The following VPS13B variants were observed in gnomAD, a reference collection of about 807,000 sequenced individuals.
The protein encoded by VPS13B is intermembrane lipid transfer protein VPS13B.
Under a neutral mutation model 426.4 loss-of-function variants are expected in VPS13B, and 285 were observed. The ratio of observed to expected loss-of-function variants is 0.67; its 90% CI spans 0.61 to 0.74. The LOEUF (loss-of-function observed/expected upper bound fraction) is 0.74, where lower values mean the gene tolerates loss of function less well. VPS13B is among the 30% of genes least tolerant of loss of function. VPS13B has a pLI of 0.00. For missense variants in VPS13B, 4,537 were observed against 4,782.6 expected (o/e 0.95, Z 1.51); for synonymous variants, 1,676 against 1,676.4 (o/e 1.00, Z 0.01).
intron 54 of VPS13B, among the ~76,000 whole-genome samples, chr8:99,844,421 G>A (rs1022903349): frequency 3.4e-5 from 5 of 148,988 alleles, no homozygotes; most frequent in Admixed American, 3.4e-4. Flanking sequence ...TGGATGGAGT[G>A]CAGTGGCCCG....
At chr8:99,321,372 C>G (rs1809978565) in intron 19 of VPS13B, among the ~76,000 whole-genome samples, 1 of 151,894 alleles carries the variant, frequency 6.6e-6, no homozygotes. Context: ...CCACGCCCAG[C>G]TAATTTTTGT....
At chr8:99,616,199 C>T (rs1210503704) in intron 33 of VPS13B, among the ~76,000 whole-genome samples, 1 of 152,026 alleles carries the variant, frequency 6.6e-6, no homozygotes, top group Non-Finnish European at 1.5e-5. Flanking sequence ...GAAGAAGAGC[C>T]TATATCTTGA....
chr8:99,202,534 C>T (rs543943007), intron 17 of VPS13B, among the ~76,000 whole-genome samples: 2 of 152,260 alleles, frequency 1.3e-5, no homozygotes, highest in South Asian at 4.1e-4. Flanking sequence ...ATAACAATTT[C>T]TGAAATTAAG....
At chr8:99,162,543 T>G (rs1404480376) in intron 15 of VPS13B, among the ~76,000 whole-genome samples, 3 of 152,050 alleles carry the variant, frequency 2.0e-5, no homozygotes, top group African/African-American at 7.3e-5. Context: ...CAGATGTATT[T>G]GGAGTTTCTT....
At chr8:99,064,413 A>G (rs1844362771) in intron 3 of VPS13B, among the ~76,000 whole-genome samples, 1 of 152,218 alleles carries the variant, frequency 6.6e-6, no homozygotes, top group South Asian at 2.1e-4. Flanking sequence ...AAGACCTTAA[A>G]TGACCTGATG....
chr8:99,632,587 T>C (rs918914525), intron 33 of VPS13B, among the ~76,000 whole-genome samples: 2 of 151,954 alleles, frequency 1.3e-5, no homozygotes, highest in African/African-American at 4.8e-5. Context: ...TCAAAGCATT[T>C]GTGTGGAAGG....
intron 20 of VPS13B, chr8:99,389,529 T>C (rs1814308170): frequency 6.6e-6 from 1 of 152,182 alleles, no homozygotes; most frequent in Non-Finnish European, 1.5e-5. Context: ...ATATATGTGC[T>C]ATATATGTTA....
intron 2 of VPS13B, among the ~76,000 whole-genome samples, chr8:99,016,193 A>T (rs1841604804): frequency 6.6e-6 from 1 of 152,216 alleles, no homozygotes; most frequent in Admixed American, 6.5e-5. Flanking sequence ...TTCCATAAAC[A>T]TTCCAGTACA....
intron 19 of VPS13B, among the ~76,000 whole-genome samples, chr8:99,380,522 T>C (rs1195890982): frequency 6.6e-6 from 1 of 152,020 alleles, no homozygotes; most frequent in Non-Finnish European, 1.5e-5. Context: ...CATGCTTTTG[T>C]TGTCTGAGCA....
chr8:99,757,159 T>C (rs1305588452), intron 39 of VPS13B, among the ~76,000 whole-genome samples: 3 of 152,184 alleles, frequency 2.0e-5, no homozygotes, highest in African/African-American at 7.2e-5. Flanking sequence ...TTACCCAATT[T>C]GGCACCCTGG....
intron 35 of VPS13B, among the ~76,000 whole-genome samples, chr8:99,679,438 A>C (rs184217502): frequency 1.4e-3 from 208 of 152,318 alleles, no homozygotes; most frequent in Non-Finnish European, 1.7e-3. Context: ...CCCTATAATT[A>C]GAACTTTTGT....
At chr8:99,226,521 C>T (rs772888627) in intron 17 of VPS13B, among the ~76,000 whole-genome samples, 2 of 152,080 alleles carry the variant, frequency 1.3e-5, no homozygotes, top group Non-Finnish European at 2.9e-5. Flanking sequence ...TTAGATACAG[C>T]ATTTTGTATC....
chr8:99,046,248 T>A (rs1428283912), intron 3 of VPS13B, among the ~76,000 whole-genome samples: 1 of 152,172 alleles, frequency 6.6e-6, no homozygotes, highest in Non-Finnish European at 1.5e-5. Flanking sequence ...CTTGTAGAGG[T>A]CTTTCACCTC....
intron 19 of VPS13B, among the ~76,000 whole-genome samples, chr8:99,303,069 A>G (rs1301830825): frequency 1.3e-5 from 2 of 151,886 alleles, no homozygotes; most frequent in Middle Eastern, 3.2e-3. Flanking sequence ...TCATGAGGTC[A>G]GGAGATTGAA....
Position 99,642,473 on chromosome 8 carries a change from G to C in VPS13B, c.5883G>C (p.Gly1961=). ...CCATTTTTGATGCTGTGCTTAAAGG[G>C]GTGGCCTCTGATTACAAATGTATAG... ...EVSIFDAVLK[G]VASDYKCIDP... Residue 1961 remains glycine (G), a synonymous_variant, in exon 34 of 62, where the codon GGG becomes GGC. Transcript: ENST00000357162. 1 of 1,613,562 alleles carries C rather than the reference G, an allele frequency of 6.2e-7. No individual in the cohort carries two copies. Among genetic ancestry groups the C allele is most frequent in the Non-Finnish European group, 8.5e-7 (1 of 1,179,934 alleles).
At chr8:99,477,217 A>C (rs915430725) in intron 24 of VPS13B, among the ~76,000 whole-genome samples, 1 of 152,218 alleles carries the variant, frequency 6.6e-6, no homozygotes, top group African/African-American at 2.4e-5. Flanking sequence ...CTGTCTTAAA[A>C]GGAGTATCAT....
At chr8:99,366,808 A>G (rs1812917910) in intron 19 of VPS13B, among the ~76,000 whole-genome samples, 1 of 152,120 alleles carries the variant, frequency 6.6e-6, no homozygotes, top group African/African-American at 2.4e-5. Context: ...ACTATCTTAT[A>G]ACGCATTATT....
intron 17 of VPS13B, among the ~76,000 whole-genome samples, chr8:99,208,752 A>G (rs947861802): frequency 6.6e-6 from 1 of 152,244 alleles, no homozygotes; most frequent in Non-Finnish European, 1.5e-5. Flanking sequence ...TAATTTTAAA[A>G]CAGTCCTTTA....
Position 99,832,672 on chromosome 8 carries a change from A to T in VPS13B, c.9614+20A>T. On this transcript the variant is annotated intron_variant, in intron 52 of 61. Coordinates refer to ENST00000357162, the MANE Select transcript of VPS13B (RefSeq NM_152564.5). Reference sequence around the variant, plus strand: ...TACCAGGTATTTTATGTTTATATAAATGTCTGTTCTTCTTTGCTTGTCAGT... The same window carrying T: ...TACCAGGTATTTTATGTTTATATAATTGTCTGTTCTTCTTTGCTTGTCAGT... 6.2e-7 allele frequency: 1 copy of T among 1,612,226 alleles called. No homozygotes were observed. The highest frequency in any genetic ancestry group is 2.2e-5 in the East Asian group (1 of 44,866).
Sources: gnomAD v4.1 joint callset for allele counts (sites outside exome capture counted in the v4.1 genomes callset) on GRCh38, gnomAD v4.1.1 for gene constraint, MANE v1.5 for transcripts, NCBI Gene and HGNC (gene_info 2026-07-23, HGNC 2026-07-21) for gene names.